The following UGT1A5 variants were observed in gnomAD, a reference collection of about 807,000 sequenced individuals.
UGT1A5 encodes the protein UDP glucuronosyltransferase family 1 member A5.
UGT1A5 carries 29 observed loss-of-function variants against 40.3 expected under a neutral mutation model. That is an observed-to-expected ratio of 0.72 (90% confidence interval 0.54 to 0.98). UGT1A5 has a LOEUF of 0.98. Among genes scored for constraint, UGT1A5 ranks in the 50% least tolerant of loss-of-function variants. The probability of loss-of-function intolerance (pLI) is 0.00; values close to 1 mark genes in which losing one functional copy is unlikely to be tolerated. For synonymous variants in UGT1A5, 257 were observed against 262.5 expected (o/e 0.98, Z 0.20); for missense variants, 678 against 677.9 (o/e 1.00, Z 0.00).
chr2:233,723,412 A>G, intron 1 of UGT1A5, among the ~76,000 whole-genome samples: 1 of 132,624 alleles, frequency 7.5e-6, no homozygotes, highest in African/African-American at 3.1e-5. Flanking sequence ...GTTTCACCAT[A>G]CTGGTCAGGC....
At chr2:233,764,549 G>A (rs1698590691) in intron 1 of UGT1A5, among the ~76,000 whole-genome samples, 1 of 152,222 alleles carries the variant, frequency 6.6e-6, no homozygotes, top group Non-Finnish European at 1.5e-5. Flanking sequence ...GGGCGTGTGG[G>A]AGGGTGTGCC....
At chr2:233,726,128 C>T (rs2077506214) in intron 1 of UGT1A5, among the ~76,000 whole-genome samples, 1 of 152,282 alleles carries the variant, frequency 6.6e-6, no homozygotes, top group African/African-American at 2.4e-5. Flanking sequence ...TTCACACCAC[C>T]TCACTCCAGC....
intron 1 of UGT1A5, 34 bp from the exon 2 acceptor site, chr2:233,767,000 A>G: frequency 6.2e-7 from 1 of 1,613,736 alleles, no homozygotes; most frequent in South Asian, 1.1e-5. Context: ...GAATATGAGA[A>G]AAAATTAACT....
chr2:233,745,241 G>C (rs1693049313), intron 1 of UGT1A5, among the ~76,000 whole-genome samples: 1 of 151,840 alleles, frequency 6.6e-6, no homozygotes. Context: ...ACTATTTACT[G>C]TATCGAAACC....
At chr2:233,747,140 A>T in intron 1 of UGT1A5, 1 of 1,552,466 alleles carries the variant, frequency 6.4e-7, no homozygotes. Context: ...GTGACAAGGT[A>T]ATTAAGATGA....
At chr2:233,744,789 C>A (rs957843917) in intron 1 of UGT1A5, among the ~76,000 whole-genome samples, 10 of 151,986 alleles carry the variant, frequency 6.6e-5, no homozygotes, top group Admixed American at 2.6e-4. Flanking sequence ...CTGAAAAATT[C>A]TTGGGGATCC....
intron 1 of UGT1A5, among the ~76,000 whole-genome samples, chr2:233,730,211 C>G (rs186476397): frequency 6.6e-6 from 1 of 152,112 alleles, no homozygotes; most frequent in East Asian, 1.9e-4. Flanking sequence ...GAAGTAGACA[C>G]GAATGTTTGT....
chr2:233,727,816 A>G (rs759645481), intron 1 of UGT1A5, among the ~76,000 whole-genome samples: 3 of 152,170 alleles, frequency 2.0e-5, no homozygotes, highest in Non-Finnish European at 4.4e-5. Context: ...GTTCTGTCCA[A>G]AGGTGGAATC....
intron 1 of UGT1A5, among the ~76,000 whole-genome samples, chr2:233,724,344 C>CA (rs2077230286): frequency 1.4e-5 from 2 of 144,986 alleles, no homozygotes; most frequent in East Asian, 2.2e-4. Context: ...GGGCTGACCC[C>CA]CCCCACCTCC....
At chr2:233,746,103 G>C (rs1465134401) in intron 1 of UGT1A5, among the ~76,000 whole-genome samples, 1 of 151,806 alleles carries the variant, frequency 6.6e-6, no homozygotes, top group Non-Finnish European at 1.5e-5. Flanking sequence ...CATGTCCAGA[G>C]TGCTTACTGT....
intron 1 of UGT1A5, chr2:233,760,458 A>T (rs1336419159): frequency 6.2e-7 from 1 of 1,614,212 alleles, no homozygotes; most frequent in Non-Finnish European, 8.5e-7. Flanking sequence ...GACATGAAAT[A>T]GTTGTCCTAG....
intron 1 of UGT1A5, chr2:233,743,980 G>A (rs1692624028): frequency 1.2e-5 from 15 of 1,302,748 alleles, no homozygotes; most frequent in African/African-American, 1.5e-5. Flanking sequence ...CCAGCACCCA[G>A]GCGCAGGCCC....
intron 1 of UGT1A5, chr2:233,748,125 T>C: frequency 6.2e-7 from 1 of 1,610,546 alleles, no homozygotes; most frequent in South Asian, 1.1e-5. Context: ...GGCAAAACAG[T>C]TTTTAAAAAT....
At chr2:233,733,672 G>A (rs1353617171) in intron 1 of UGT1A5, among the ~76,000 whole-genome samples, 2 of 152,204 alleles carry the variant, frequency 1.3e-5, no homozygotes, top group African/African-American at 4.8e-5. Flanking sequence ...GATCGATGTG[G>A]ATAAACTTTT....
chr2:233,754,785 C>T, intron 1 of UGT1A5: 1 of 1,177,776 alleles, frequency 8.5e-7, no homozygotes, highest in Non-Finnish European at 1.2e-6. Context: ...GCCAAAGGAA[C>T]GAAATCCTGT....
In UGT1A5 at chr2:233,730,352, T is replaced by A. The variant is rs190569786; in HGVS notation, c.867+16494T>A. On this transcript the variant is annotated intron_variant, in intron 1 of 4. Coordinates refer to ENST00000373414, the MANE Select transcript of UGT1A5 (RefSeq NM_019078.2). ...ACGTTTGGAACTGATCCATCCTGGA[T>A]TTTTTGCTAGCATGATTTTCAGGGG... 3.3e-5 allele frequency among the ~76,000 whole-genome samples: 5 copies of A among 152,298 alleles called. No homozygotes were observed. The East Asian group carries it at 9.6e-4, about 29-fold the overall frequency.
At chr2:233,728,999 G>A in intron 1 of UGT1A5, 10 of 1,561,322 alleles carry the variant, frequency 6.4e-6, no homozygotes, top group Non-Finnish European at 8.7e-6. Flanking sequence ...ACTAGAGGAG[G>A]GCACTCTGTC....
intron 1 of UGT1A5, chr2:233,718,839 G>T: frequency 1.2e-6 from 2 of 1,613,658 alleles, no homozygotes; most frequent in South Asian, 1.1e-5. Flanking sequence ...AGGACTCCAG[G>T]TTCCCCTGCC....
chr2:233,729,884 C>T, intron 1 of UGT1A5: 2 of 1,613,892 alleles, frequency 1.2e-6, no homozygotes, highest in Non-Finnish European at 1.7e-6. Context: ...AGTCATGCAT[C>T]TGTGTGGCTG....
Sources: allele counts gnomAD v4.1 joint callset (sites outside exome capture counted in the v4.1 genomes callset), GRCh38; gene constraint gnomAD v4.1.1; transcripts MANE v1.5; gene names NCBI Gene and HGNC (gene_info 2026-07-23, HGNC 2026-07-21).